ARHGEF37: variants seen among roughly 807,000 people sequenced by gnomAD.
ARHGEF37 encodes Rho guanine nucleotide exchange factor (GEF) 37.
A neutral mutation model predicts 71.1 loss-of-function variants in ARHGEF37; 55 were observed. The observed-to-expected ratio is 0.77, with a 90% confidence interval of 0.62 to 0.97. The LOEUF is 0.97. Among genes scored for constraint, ARHGEF37 ranks in the 50% least tolerant of loss-of-function variants. The pLI, the probability that ARHGEF37 is intolerant of heterozygous loss-of-function variation, is 0.00. For synonymous variants in ARHGEF37, 327 were observed against 350.6 expected (o/e 0.93, Z 0.75); for missense variants, 765 against 836.8 (o/e 0.91, Z 1.06).
At chr5:149,602,201 C>T (rs1236890585) in intron 3 of ARHGEF37, among the ~76,000 whole-genome samples, 5 of 151,922 alleles carry the variant, frequency 3.3e-5, no homozygotes, top group South Asian at 4.2e-4. Context: ...AGACTACAAG[C>T]GTGCGCCACC....
intron 3 of ARHGEF37, among the ~76,000 whole-genome samples, chr5:149,602,615 G>A (rs960616982): frequency 6.6e-6 from 1 of 151,820 alleles, no homozygotes; most frequent in Non-Finnish European, 1.5e-5. Context: ...GCCTCCTGAG[G>A]AGGATAGTCT....
At chr5:149,610,582 C>T (rs1475359664) in intron 4 of ARHGEF37, among the ~76,000 whole-genome samples, 1 of 152,166 alleles carries the variant, frequency 6.6e-6, no homozygotes, top group Non-Finnish European at 1.5e-5. Flanking sequence ...CCTAAAGTCT[C>T]CTTTTCAAGA....
chr5:149,580,307 C>A (rs1009630633), upstream of ARHGEF37, among the ~76,000 whole-genome samples: 2 of 152,108 alleles, frequency 1.3e-5, no homozygotes, highest in Non-Finnish European at 2.9e-5. Context: ...GATCTGCCCC[C>A]CCCTCAGCTT....
At position 149,601,151 on chromosome 5, in the gene ARHGEF37, A is replaced by C; in HGVS notation, c.230A>C (p.Asp77Ala). 1 of 1,613,224 alleles carries C rather than the reference A, an allele frequency of 6.2e-7. No individual in the cohort carries two copies. Among genetic ancestry groups the C allele is most frequent in the Non-Finnish European group, 8.5e-7 (1 of 1,179,286 alleles). ...DLDVLFSNID[D>A]IIKVNSRFLH... ...GATGTCCTGTTCTCAAACATTGATG[A>C]TATCATCAAAGTGAACAGCAGATTC... The change falls in exon 3 of 13, where the codon GAT (aspartate) becomes GCT (alanine). Residue 77 changes from aspartate (D) to alanine (A), a missense_variant. Around this residue, in one of 5 missense-constraint regions of ARHGEF37, gnomAD observed 201 missense variants for 217.5 expected, o/e 0.92. Coordinates refer to ENST00000333677, the MANE Select transcript of ARHGEF37 (RefSeq NM_001001669.3).
intron 12 of ARHGEF37, among the ~76,000 whole-genome samples, chr5:149,631,750 G>A (rs969743435): frequency 6.6e-6 from 1 of 152,210 alleles, no homozygotes; most frequent in Non-Finnish European, 1.5e-5. Flanking sequence ...GAATTATTGT[G>A]AGAACCCAAA....
chr5:149,567,245 A>G (rs933235419), intron 1 of ARHGEF37, among the ~76,000 whole-genome samples: 1 of 152,212 alleles, frequency 6.6e-6, no homozygotes, highest in Non-Finnish European at 1.5e-5. Context: ...TTCAGGTTAT[A>G]CTTTTTGGCA....
intron 1 of ARHGEF37, among the ~76,000 whole-genome samples, chr5:149,571,319 G>A (rs1425135287): frequency 1.3e-5 from 2 of 150,804 alleles, no homozygotes; most frequent in South Asian, 4.2e-4. Flanking sequence ...GCAGTGGCAC[G>A]ACCTCGGCTC....
chr5:149,558,737 G>GTGTA (rs1762789132), intron 1 of ARHGEF37, among the ~76,000 whole-genome samples: 1 of 82,568 alleles, frequency 1.2e-5, no homozygotes, highest in Non-Finnish European at 2.5e-5. Flanking sequence ...GTGTGTGTGT[G>GTGTA]TATATATATT....
At chr5:149,622,694 G>T (rs1004284043) in intron 9 of ARHGEF37, among the ~76,000 whole-genome samples, 3 of 152,216 alleles carry the variant, frequency 2.0e-5, no homozygotes, top group Admixed American at 6.5e-5. Flanking sequence ...ACACTCAAGA[G>T]CCTGTAAAAG....
At chr5:149,590,045 A>AT (rs1406022482) in intron 1 of ARHGEF37, among the ~76,000 whole-genome samples, 1 of 152,146 alleles carries the variant, frequency 6.6e-6, no homozygotes, top group Non-Finnish European at 1.5e-5. Context: ...TATTTTAAAT[A>AT]CCTTATCCTA....
chr5:149,560,748 C>T (rs1047427578), intron 1 of ARHGEF37, among the ~76,000 whole-genome samples: 1 of 151,742 alleles, frequency 6.6e-6, no homozygotes, highest in Admixed American at 6.6e-5. Flanking sequence ...TGGTAAAACC[C>T]TGTTTGTACT....
At chr5:149,607,061 T>C (rs776329391) in intron 3 of ARHGEF37, among the ~76,000 whole-genome samples, 8 of 152,116 alleles carry the variant, frequency 5.3e-5, no homozygotes, top group Non-Finnish European at 8.8e-5. Context: ...CCACCACTCC[T>C]GGCTAATTTT....
At chr5:149,619,094 G>A (rs767205206) in intron 7 of ARHGEF37, 52 bp downstream of exon 7, 2 of 1,504,530 alleles carry the variant, frequency 1.3e-6, no homozygotes, top group Non-Finnish European at 1.9e-6. Context: ...GGTTCCCCTG[G>A]CAGGAGGCTT....
chr5:149,614,857 A>G (rs1046989184), intron 4 of ARHGEF37, among the ~76,000 whole-genome samples: 2 of 152,206 alleles, frequency 1.3e-5, no homozygotes, highest in Non-Finnish European at 2.9e-5. Flanking sequence ...AGCCAGAGGC[A>G]CGAGTATCAT....
chr5:149,601,289 G>A (rs148003345), intron 3 of ARHGEF37, 58 bp downstream of exon 3: 7 of 1,569,880 alleles, frequency 4.5e-6, no homozygotes, highest in African/African-American at 4.1e-5. Context: ...TGTTCTCAGC[G>A]AGTGGTCACT....
At chr5:149,631,143 CCTTCT>C (rs1319437280) in intron 12 of ARHGEF37, among the ~76,000 whole-genome samples, 183 of 109,982 alleles carry the variant, frequency 1.7e-3, no homozygotes, top group Middle Eastern at 7.2e-3. Flanking sequence ...TTTCTTCCTT[CCTTCT>C]TTCCTTCCTT....
At chr5:149,614,160 T>G (rs1475359045) in intron 4 of ARHGEF37, among the ~76,000 whole-genome samples, 1 of 152,192 alleles carries the variant, frequency 6.6e-6, no homozygotes, top group Non-Finnish European at 1.5e-5. Context: ...TTGGGTTGTT[T>G]CCAATTATTT....
chr5:149,584,302 G>A (rs1763176770), intron 1 of ARHGEF37, among the ~76,000 whole-genome samples: 1 of 152,112 alleles, frequency 6.6e-6, no homozygotes, highest in Non-Finnish European at 1.5e-5. Flanking sequence ...GTTTGATTTG[G>A]GTTAAGACAC....
upstream of ARHGEF37, among the ~76,000 whole-genome samples, chr5:149,576,969 T>G (rs1483651466): frequency 6.6e-6 from 1 of 151,910 alleles, no homozygotes; most frequent in African/African-American, 2.4e-5. Flanking sequence ...AAAAAAAAAT[T>G]GATATCTCAG....
Sources: allele counts gnomAD v4.1 joint callset (sites outside exome capture counted in the v4.1 genomes callset), GRCh38; gene constraint gnomAD v4.1.1; regional missense constraint gnomAD v4.1.1; transcripts MANE v1.5; gene names NCBI Gene and HGNC (gene_info 2026-07-23, HGNC 2026-07-21).